The following MTCL3 variants were observed in gnomAD, a reference collection of about 807,000 sequenced individuals.
The protein encoded by MTCL3 is microtubule cross-linking factor 3.
chr6:127,511,004 C>T, the MTCL3 span, among the ~76,000 whole-genome samples: 1 of 152,168 alleles, frequency 6.6e-6, no homozygotes, highest in Non-Finnish European at 1.5e-5. Flanking sequence ...GGGAGAATAG[C>T]TTGAGCCCAG....
the MTCL3 span, among the ~76,000 whole-genome samples, chr6:127,501,271 C>T: frequency 6.6e-6 from 1 of 152,162 alleles, no homozygotes; most frequent in East Asian, 1.9e-4. Context: ...TTAGCCATAC[C>T]GCTAAATGAA....
the MTCL3 span, among the ~76,000 whole-genome samples, chr6:127,487,875 T>C: frequency 1.4e-4 from 21 of 152,324 alleles, no homozygotes. Flanking sequence ...ATTCTGGTAA[T>C]GTTTTATAAA....
At chr6:127,507,857 A>G in the MTCL3 span, among the ~76,000 whole-genome samples, 354 of 86,920 alleles carry the variant, frequency 4.1e-3, no homozygotes, top group East Asian at 6.7e-3. Context: ...AAAAAAAAAA[A>G]AAAAAAAAAA....
the MTCL3 span, among the ~76,000 whole-genome samples, chr6:127,510,371 A>G: frequency 2.0e-5 from 3 of 152,148 alleles, no homozygotes; most frequent in African/African-American, 7.2e-5. Flanking sequence ...AGTGTGAGCA[A>G]AAGAATCAAG....
chr6:127,505,617 T>C, the MTCL3 span, among the ~76,000 whole-genome samples: 81 of 152,216 alleles, frequency 5.3e-4, 1 homozygote, highest in East Asian at 0.012. Flanking sequence ...CAAACCCCCA[T>C]GACACAAGTT....
chr6:127,505,270 A>C, the MTCL3 span, among the ~76,000 whole-genome samples: 1 of 152,204 alleles, frequency 6.6e-6, no homozygotes, highest in Non-Finnish European at 1.5e-5. Flanking sequence ...ATCAACCTAA[A>C]TGCCTATCAA....
chr6:127,501,689 G>A, the MTCL3 span, among the ~76,000 whole-genome samples: 4 of 152,238 alleles, frequency 2.6e-5, no homozygotes, highest in South Asian at 6.2e-4. Context: ...GTTGAATCAT[G>A]CTGAATATAA....
At chr6:127,473,623 T>C in the MTCL3 span, among the ~76,000 whole-genome samples, 17 of 152,288 alleles carry the variant, frequency 1.1e-4, no homozygotes, top group South Asian at 3.5e-3. Context: ...ATTCAACAAG[T>C]TTTATCATAA....
At chr6:127,516,561 G>A in the MTCL3 span, 4 of 1,598,020 alleles carry the variant, frequency 2.5e-6, no homozygotes, top group Non-Finnish European at 2.5e-6. Context: ...CTGCAGCGGC[G>A]GGAGAAGCTG....
chr6:127,493,644 G>A, the MTCL3 span, among the ~76,000 whole-genome samples: 1 of 152,096 alleles, frequency 6.6e-6, no homozygotes, highest in Non-Finnish European at 1.5e-5. Flanking sequence ...ATCCCATAAG[G>A]CCAGGTACCG....
At chr6:127,473,031 G>A in the MTCL3 span, 1 of 955,088 alleles carries the variant, frequency 1.0e-6, no homozygotes, top group Non-Finnish European at 1.3e-6. Context: ...ATGAAAAAAA[G>A]AAGTAAAAAT....
At chr6:127,501,750 A>G in the MTCL3 span, among the ~76,000 whole-genome samples, 1 of 152,202 alleles carries the variant, frequency 6.6e-6, no homozygotes, top group Non-Finnish European at 1.5e-5. Flanking sequence ...ATGTTAGGAA[A>G]GGCTAAATGA....
the MTCL3 span, among the ~76,000 whole-genome samples, chr6:127,490,848 C>A: frequency 1.3e-5 from 2 of 152,010 alleles, no homozygotes; most frequent in African/African-American, 2.4e-5. Context: ...AAAACACACA[C>A]AAAAAAGAAT....
chr6:127,507,594 A>G, the MTCL3 span, among the ~76,000 whole-genome samples: 42 of 152,278 alleles, frequency 2.8e-4, 1 homozygote, highest in African/African-American at 9.9e-4. Flanking sequence ...CATCTTTAAA[A>G]ATGCATTCAT....
the MTCL3 span, among the ~76,000 whole-genome samples, chr6:127,507,686 A>G: frequency 6.6e-6 from 1 of 151,996 alleles, no homozygotes; most frequent in East Asian, 1.9e-4. Flanking sequence ...TACTAAAAAT[A>G]CAAAAAATTA....
the MTCL3 span, among the ~76,000 whole-genome samples, chr6:127,509,897 A>T: frequency 1.3e-5 from 2 of 152,210 alleles, no homozygotes; most frequent in African/African-American, 4.8e-5. Context: ...AACATTTCTG[A>T]TTTCTAAACA....
chr6:127,480,066 CT>C, the MTCL3 span, among the ~76,000 whole-genome samples: 1 of 152,136 alleles, frequency 6.6e-6, no homozygotes, highest in Non-Finnish European at 1.5e-5. Context: ...ATGTTAAAGA[CT>C]CACTCAATTG....
At chr6:127,491,834 A>C in the MTCL3 span, among the ~76,000 whole-genome samples, 1 of 147,316 alleles carries the variant, frequency 6.8e-6, no homozygotes, top group Admixed American at 7.0e-5. Flanking sequence ...ACCCACCACT[A>C]TACTCCAACC....
At chr6:127,514,889 C>T in the MTCL3 span, 1 of 1,614,162 alleles carries the variant, frequency 6.2e-7, no homozygotes, top group Non-Finnish European at 8.5e-7. Flanking sequence ...CGTAGCGGAG[C>T]CTTTTGCGCT....
Sources: gnomAD v4.1 joint callset for allele counts (sites outside exome capture counted in the v4.1 genomes callset) on GRCh38, gnomAD v4.1.1 for gene constraint, MANE v1.5 for transcripts, NCBI Gene and HGNC (gene_info 2026-07-23, HGNC 2026-07-21) for gene names.